NIBAN1: variants seen among roughly 807,000 people sequenced by gnomAD.
NIBAN1 encodes protein Niban 1.
In NIBAN1, 81 loss-of-function variants were observed where a neutral mutation model predicts 75.1. That is an observed-to-expected ratio of 1.08 (90% CI 0.90 to 1.30). The LOEUF is 1.30. Among genes scored for constraint, NIBAN1 ranks in the 50% most tolerant of loss-of-function variants. The probability of loss-of-function intolerance (pLI) is 0.00; values close to 1 mark genes in which losing one functional copy is unlikely to be tolerated. For synonymous variants in NIBAN1, 436 were observed against 424.8 expected (o/e 1.03, Z -0.32); for missense variants, 1,133 against 1,128.1 (o/e 1.00, Z -0.06).
intron 6 of NIBAN1, among the ~76,000 whole-genome samples, chr1:184,827,416 C>A (rs1406202754): frequency 3.3e-5 from 5 of 152,010 alleles, no homozygotes; most frequent in Non-Finnish European, 2.9e-5. Flanking sequence ...CTGCCTTCCA[C>A]AAGCAGAGTC....
At chr1:184,910,779 G>A (rs964247322) in intron 1 of NIBAN1, among the ~76,000 whole-genome samples, 3 of 152,168 alleles carry the variant, frequency 2.0e-5, no homozygotes, top group Admixed American at 6.6e-5. Context: ...GAGTAAAGCC[G>A]ATTGGGCAAT....
intron 5 of NIBAN1, among the ~76,000 whole-genome samples, chr1:184,866,480 G>A (rs111605030): frequency 5.3e-4 from 80 of 152,266 alleles, no homozygotes; most frequent in African/African-American, 1.8e-3. Context: ...AAGAAGACAC[G>A]AAATGTAATT....
At position 184,833,701 on chromosome 1, in the gene NIBAN1, C is replaced by A. The variant is rs985509947; in HGVS notation, c.602-1739G>T. Among the ~76,000 whole-genome samples the A allele has an allele frequency of 6.0e-5, 9 of 150,272 alleles. No homozygotes were observed. The South Asian group carries it at 8.4e-4, about 14-fold the overall frequency. On this transcript the variant is annotated intron_variant, in intron 5 of 13. Coordinates refer to ENST00000367511, the MANE Select transcript of NIBAN1 (RefSeq NM_052966.4). Reference sequence around the variant, plus strand: ...AGGGCAATAGAGTGAGACCCTGTCTCAAAAAAATAAATAGATAAATAAATA... The same window carrying A: ...AGGGCAATAGAGTGAGACCCTGTCTAAAAAAAATAAATAGATAAATAAATA...
chr1:184,933,066 A>G (rs756777760), intron 1 of NIBAN1, among the ~76,000 whole-genome samples: 1 of 152,246 alleles, frequency 6.6e-6, no homozygotes, highest in Non-Finnish European at 1.5e-5. Context: ...CAGTCTAACA[A>G]TGAAAGCACT....
intron 1 of NIBAN1, among the ~76,000 whole-genome samples, chr1:184,937,750 C>G (rs1657998525): frequency 6.6e-6 from 1 of 152,212 alleles, no homozygotes. Context: ...CACTGATTTT[C>G]TTACTGTGTG....
At chr1:184,903,904 T>A (rs371953272) in intron 1 of NIBAN1, among the ~76,000 whole-genome samples, 31 of 151,366 alleles carry the variant, frequency 2.0e-4, no homozygotes, top group East Asian at 7.8e-4. Context: ...ACTTATTATT[T>A]TTTTTTTTTT....
At chr1:184,926,380 G>A (rs1184619718) in intron 1 of NIBAN1, among the ~76,000 whole-genome samples, 2 of 152,186 alleles carry the variant, frequency 1.3e-5, no homozygotes, top group East Asian at 3.9e-4. Flanking sequence ...TGGGGTTACA[G>A]GCATGCACTA....
chr1:184,808,665 G>A (rs1654278298), intron 9 of NIBAN1, among the ~76,000 whole-genome samples: 1 of 152,122 alleles, frequency 6.6e-6, no homozygotes, highest in South Asian at 2.1e-4. Context: ...GATGCTCCCT[G>A]GACTCCTGGA....
intron 1 of NIBAN1, among the ~76,000 whole-genome samples, chr1:184,926,990 T>C (rs1657700724): frequency 6.6e-6 from 1 of 152,218 alleles, no homozygotes; most frequent in Non-Finnish European, 1.5e-5. Context: ...AACTCCAGAA[T>C]TTCTGCTTAA....
In NIBAN1 at chr1:184,947,619, A is replaced by G. The variant is rs147414392; in HGVS notation, c.55+26683T>C. ...CTGGGTTTGAAGCCCAGATTCCTGT[A>G]TATTGAACCCCCCTTCCTATACAGA... On this transcript the variant is annotated intron_variant, in intron 1 of 13. Transcript: ENST00000367511. Among the ~76,000 whole-genome samples the G allele has an allele frequency of 1.6e-3, 244 of 152,312 alleles. 3 individuals are homozygous for G. The highest frequency in any genetic ancestry group is 5.5e-3 in the African/African-American group (230 of 41,570).
chr1:184,795,794 A>G lies in NIBAN1; in HGVS notation c.1970T>C (p.Ile657Thr). ...CACCACGGGGTCATCCACTCTTGAA[A>G]TAATCACCTGCTCAGTCCCATCTGG... The part of the protein sequence containing the change: ...PPPDGTEQVI[I>T]SRVDDPVVNP... Residue 657 changes from isoleucine to threonine, a missense_variant, in exon 14 of 14, where the codon ATT (isoleucine) becomes ACT (threonine). Physicochemically the swap from Ile to Thr is moderately conservative, Grantham distance 89. Coordinates refer to ENST00000367511, the MANE Select transcript of NIBAN1 (RefSeq NM_052966.4). The G allele has an allele frequency of 6.2e-7, 1 of 1,611,092 alleles. No individual in the cohort carries two copies. Among genetic ancestry groups the G allele is most frequent in the Non-Finnish European group, 8.5e-7 (1 of 1,178,326 alleles).
At chr1:184,842,041 G>GA (rs1226975154) in intron 5 of NIBAN1, among the ~76,000 whole-genome samples, 3 of 152,190 alleles carry the variant, frequency 2.0e-5, no homozygotes, top group Non-Finnish European at 4.4e-5. Context: ...GGAAAGAAAG[G>GA]AGGGAACGTG....
rs762438093 is a variant in NIBAN1 at position 184,794,997 on chromosome 1, C to A, written c.2767G>T (p.Glu923Ter). ...EGEGGQESFP[E>*]LPSEE ...CCCTTTCACTCCTCTGAGGGCAGCT[C>A]TGGGAAACTCTCCTGACCACCTTCT... Residue 923 changes from glutamate (E) to a stop codon, truncating the protein, a stop_gained, in exon 14 of 14, where the codon GAG (glutamate) becomes TAG (stop). Transcript: ENST00000367511. LOFTEE classifies it high-confidence loss of function. 64 of 1,611,232 alleles carry A rather than the reference C, an allele frequency of 4.0e-5. No individual in the cohort carries two copies. Among genetic ancestry groups the A allele is most frequent in the Non-Finnish European group, 5.1e-5 (60 of 1,180,032 alleles).
At chr1:184,952,034 C>G (rs537897535) in intron 1 of NIBAN1, among the ~76,000 whole-genome samples, 1 of 152,186 alleles carries the variant, frequency 6.6e-6, no homozygotes, top group South Asian at 2.1e-4. Flanking sequence ...TTGTTCATCC[C>G]GTTTCACAGA....
chr1:184,875,766 C>T (rs1285761679), intron 5 of NIBAN1, among the ~76,000 whole-genome samples: 3 of 152,082 alleles, frequency 2.0e-5, no homozygotes, highest in Non-Finnish European at 4.4e-5. Flanking sequence ...AAAACAAAGC[C>T]AGCGAAATAA....
At chr1:184,864,895 G>A (rs1175315877) in intron 5 of NIBAN1, among the ~76,000 whole-genome samples, 1 of 150,102 alleles carries the variant, frequency 6.7e-6, no homozygotes, top group African/African-American at 2.5e-5. Flanking sequence ...AAAAAACATT[G>A]GCAGCATTTA....
chr1:184,913,692 T>C (rs985170991), intron 1 of NIBAN1, among the ~76,000 whole-genome samples: 9 of 152,192 alleles, frequency 5.9e-5, no homozygotes, highest in Non-Finnish European at 2.9e-5. Context: ...TTATGCAAGA[T>C]AAAAGTACTC....
chr1:184,878,836 T>C (rs1253201696), intron 5 of NIBAN1, among the ~76,000 whole-genome samples: 1 of 152,196 alleles, frequency 6.6e-6, no homozygotes, highest in Non-Finnish European at 1.5e-5. Flanking sequence ...AGCTGTGACC[T>C]ATTTGAGCCT....
At chr1:184,944,074 A>G (rs1658164453) in intron 1 of NIBAN1, among the ~76,000 whole-genome samples, 1 of 152,224 alleles carries the variant, frequency 6.6e-6, no homozygotes, top group African/African-American at 2.4e-5. Context: ...CTTTGTGTAC[A>G]TGGAGCATCA....
Sources: allele counts gnomAD v4.1 joint callset (sites outside exome capture counted in the v4.1 genomes callset), GRCh38; gene constraint gnomAD v4.1.1; transcripts MANE v1.5; gene names NCBI Gene and HGNC (gene_info 2026-07-23, HGNC 2026-07-21).